Variants in KNL1 observed in about 807,000 individuals in gnomAD.
The protein encoded by KNL1 is outer kinetochore KNL1 complex subunit KNL1.
Under a neutral mutation model 201.3 loss-of-function variants are expected in KNL1, and 66 were observed. The observed-to-expected ratio is 0.33, with a 90% confidence interval of 0.27 to 0.40. The LOEUF (loss-of-function observed/expected upper bound fraction) is 0.40, where lower values mean the gene tolerates loss of function less well. Ranked by LOEUF, KNL1 falls within the 10% of genes least tolerant of loss-of-function variation. The pLI, the probability that KNL1 is intolerant of heterozygous loss-of-function variation, is 1.00. For synonymous variants in KNL1, 895 were observed against 899.2 expected (o/e 1.00, Z 0.08); for missense variants, 2,815 against 2,690.5 (o/e 1.05, Z -1.02).
intron 25 of KNL1, 48 bp downstream of exon 25, chr15:40,659,509 T>C: frequency 1.3e-6 from 2 of 1,567,040 alleles, no homozygotes; most frequent in Non-Finnish European, 1.7e-6. Context: ...TTCTTTTTTT[T>C]TGAGATGGAG....
chr15:40,636,393 T>G (rs1163603713), intron 13 of KNL1, among the ~76,000 whole-genome samples: 1 of 152,248 alleles, frequency 6.6e-6, no homozygotes, highest in African/African-American at 2.4e-5. Context: ...GAATGTGGTC[T>G]TGTGCTTCAC....
intron 1 of KNL1, among the ~76,000 whole-genome samples, chr15:40,597,258 T>G (rs960252141): frequency 6.6e-6 from 1 of 152,108 alleles, no homozygotes; most frequent in Non-Finnish European, 1.5e-5. Context: ...TTTTTGTTTT[T>G]TTTTCTTTTC....
intron 13 of KNL1, among the ~76,000 whole-genome samples, chr15:40,630,794 T>C (rs945969159): frequency 1.2e-4 from 19 of 152,234 alleles, no homozygotes; most frequent in African/African-American, 4.1e-4. Context: ...TGTATAATTA[T>C]TTCATTATAT....
At position 40,628,084 on chromosome 15, in the gene KNL1, T is replaced by C; in HGVS notation, c.5391T>C (p.His1797=). The change falls in exon 11 of 26, where the codon CAT becomes CAC. Residue 1797 remains histidine, a synonymous_variant. Transcript: ENST00000399668. The part of the protein sequence containing the change: ...TTQDREIFDH[H]TEEDIDKSAN... ...GACAATTTCAGATTTTTGATCACCA[T>C]ACTGAAGAGGATATAGATAAAAGTG... 1 of 1,602,624 alleles carries C rather than the reference T, an allele frequency of 6.2e-7. No individual in the cohort carries two copies. The highest frequency in any genetic ancestry group is 1.1e-5 in the South Asian group (1 of 88,696).
intron 4 of KNL1, among the ~76,000 whole-genome samples, chr15:40,607,618 A>G (rs1892017499): frequency 6.6e-6 from 1 of 152,040 alleles, no homozygotes; most frequent in South Asian, 2.1e-4. Flanking sequence ...GTTTTTGTGT[A>G]TGGTATTTAT....
In KNL1 at chr15:40,657,080, C is replaced by T. The variant is rs942307051; in HGVS notation, c.6523C>T (p.Leu2175Phe). Reference protein sequence around the residue: ...APPSSLLVHKLIFQYVEEKES... With the variant: ...APPSSLLVHKFIFQYVEEKES... ...TCCTTCCTCCCTTTTAGTTCATAAGCTTATTTTCCAGTACGTTGAAGAAAA... is the reference window on the plus strand; with the variant it reads ...TCCTTCCTCCCTTTTAGTTCATAAGTTTATTTTCCAGTACGTTGAAGAAAA... The change falls in exon 23 of 26, where the codon CTT becomes TTT. Residue 2175 changes from leucine to phenylalanine, a missense_variant. Leu to Phe is a conservative substitution (Grantham distance 22, BLOSUM62 0). Around this residue, in one of 3 missense-constraint regions of KNL1, gnomAD observed 334 missense variants for 362.6 expected, o/e 0.92. Transcript: ENST00000399668. The T allele has an allele frequency of 2.5e-6, 4 of 1,604,002 alleles. No homozygotes were observed. Among genetic ancestry groups the T allele is most frequent in the Non-Finnish European group, 3.4e-6 (4 of 1,175,170 alleles).
intron 15 of KNL1, 133 bp from the exon 16 acceptor site, chr15:40,645,523 C>A: frequency 2.1e-6 from 1 of 475,510 alleles, no homozygotes; most frequent in South Asian, 4.6e-5. Flanking sequence ...TGGTCTTAGA[C>A]AATTACATGG....
chr15:40,633,615 A>G (rs1017078292), intron 13 of KNL1, among the ~76,000 whole-genome samples: 2 of 152,076 alleles, frequency 1.3e-5, no homozygotes, highest in African/African-American at 4.8e-5. Flanking sequence ...ACCTTGGCTC[A>G]CTGCAGCTTC....
At chr15:40,656,927 T>C (rs1222185034) in intron 22 of KNL1, 115 bp from the exon 23 acceptor site, 17 of 496,824 alleles carry the variant, frequency 3.4e-5, no homozygotes, top group Non-Finnish European at 5.4e-5. Flanking sequence ...AGAATACTTA[T>C]GTACCTGGTA....
chr15:40,594,777 C>T (rs1399848643), intron 1 of KNL1, among the ~76,000 whole-genome samples: 1 of 152,324 alleles, frequency 6.6e-6, no homozygotes, highest in East Asian at 1.9e-4. Context: ...GTTTGTATTT[C>T]TCACTTAAGC....
rs1048046263 is a variant in KNL1, at chr15:40,628,083, A to T, written c.5390A>T (p.His1797Leu). The change falls in exon 11 of 26, where the codon CAT becomes CTT. Residue 1797 changes from histidine to leucine, a missense_variant. By Grantham distance (99) the His-to-Leu change is moderately conservative. Transcript: ENST00000399668. ...TTQDREIFDH[H>L]TEEDIDKSAN... The stretch of plus-strand genomic sequence containing the variant: ...TGACAATTTCAGATTTTTGATCACC[A>T]TACTGAAGAGGATATAGATAAAAGT... 2.5e-6 allele frequency: 4 copies of T among 1,601,936 alleles called. No homozygotes were observed. Among genetic ancestry groups the T allele is most frequent in the Non-Finnish European group, 3.4e-6 (4 of 1,175,864 alleles).
intron 13 of KNL1, among the ~76,000 whole-genome samples, chr15:40,638,250 AGGGGG>A (rs796354031): frequency 2.7e-5 from 1 of 36,532 alleles, no homozygotes; most frequent in Non-Finnish European, 5.0e-5. Context: ...AGGGGAAGGG[AGGGGG>A]GAGGGGGAGG....
Position 40,622,299 on chromosome 15 carries a change from C to G in KNL1, c.2035C>G (p.Leu679Val). The G allele has an allele frequency of 6.2e-7, 1 of 1,613,556 alleles. No homozygotes were observed. The highest frequency in any genetic ancestry group is 1.7e-5 in the Admixed American group (1 of 60,010). ...TAATATAGTCTACTGTGGTGGAGTTCTTGATAAACAAATAACTAATAGAAA... is the reference window on the plus strand; with the variant it reads ...TAATATAGTCTACTGTGGTGGAGTTGTTGATAAACAAATAACTAATAGAAA... ...SHNIVYCGGV[L>V]DKQITNRNTV... is the part of the protein sequence containing the mutation. The change falls in exon 10 of 26, where the codon CTT becomes GTT. Residue 679 changes from leucine to valine, a missense_variant. By Grantham distance (32) the Leu-to-Val change is conservative. This residue lies in a region of KNL1 where 2,464 missense variants were observed against 2,291.7 expected (regional missense o/e 1.08). Coordinates refer to ENST00000399668, the MANE Select transcript of KNL1 (RefSeq NM_144508.5).
At chr15:40,628,727 T>C (rs773214752) in intron 12 of KNL1, 49 bp downstream of exon 12, 16 of 1,232,464 alleles carry the variant, frequency 1.3e-5, no homozygotes, top group Non-Finnish European at 1.7e-5. Context: ...AAAAGAGGTT[T>C]AAACGTCTCA....
At chr15:40,659,189 T>G in intron 24 of KNL1, 150 bp from the exon 25 acceptor site, 1 of 473,464 alleles carries the variant, frequency 2.1e-6, no homozygotes, top group Non-Finnish European at 3.7e-6. Flanking sequence ...CGATAGAACT[T>G]GGGAGGTGGA....
intron 13 of KNL1, among the ~76,000 whole-genome samples, chr15:40,631,306 A>AT (rs990559749): frequency 8.6e-5 from 13 of 151,930 alleles, no homozygotes; most frequent in Non-Finnish European, 5.9e-5. Flanking sequence ...TAAAAAAAAA[A>AT]CAGGAAACAC....
intron 25 of KNL1, among the ~76,000 whole-genome samples, chr15:40,661,327 C>G (rs60163307): frequency 6.6e-6 from 1 of 151,738 alleles, no homozygotes; most frequent in African/African-American, 2.4e-5. Context: ...CCCATCTCTA[C>G]TAAAAATACA....
At chr15:40,615,444 A>G (rs538332374) in intron 8 of KNL1, 66 bp downstream of exon 8, 22 of 461,894 alleles carry the variant, frequency 4.8e-5, no homozygotes, top group South Asian at 3.8e-4. Context: ...CTTGATCACT[A>G]TTATGTACAA....
At chr15:40,645,612 C>T (rs1893360997) in intron 15 of KNL1, 44 bp from the exon 16 acceptor site, 3 of 1,074,564 alleles carry the variant, frequency 2.8e-6, no homozygotes. Flanking sequence ...CCTCTTCTGA[C>T]TCGTTTGTTT....
Sources: allele counts gnomAD v4.1 joint callset (sites outside exome capture counted in the v4.1 genomes callset), GRCh38; gene constraint gnomAD v4.1.1; regional missense constraint gnomAD v4.1.1; transcripts MANE v1.5; gene names NCBI Gene and HGNC (gene_info 2026-07-23, HGNC 2026-07-21).